PLB1: variants seen among roughly 807,000 people sequenced by gnomAD.
PLB1 encodes phospholipase B1, membrane-associated.
A neutral mutation model predicts 227.4 loss-of-function variants in PLB1; 242 were observed. The ratio of observed to expected loss-of-function variants is 1.06; its 90% CI spans 0.96 to 1.18. PLB1 has a LOEUF of 1.18. Among genes scored for constraint, PLB1 ranks in the 50% most tolerant of loss-of-function variants. PLB1 has a pLI of 0.00. For synonymous variants in PLB1, 757 were observed against 682.2 expected (o/e 1.11, Z -1.71); for missense variants, 1,858 against 1,816.3 (o/e 1.02, Z -0.42).
intron 42 of PLB1, 54 bp from the exon 43 acceptor site, chr2:28,606,442 A>G: frequency 6.5e-7 from 1 of 1,527,496 alleles, no homozygotes; most frequent in Non-Finnish European, 9.1e-7. Context: ...GGGAATGTTC[A>G]CTTCCATGGA....
intron 56 of PLB1, among the ~76,000 whole-genome samples, chr2:28,635,030 G>C (rs1324898279): frequency 1.3e-5 from 2 of 152,176 alleles, no homozygotes; most frequent in Non-Finnish European, 2.9e-5. Context: ...AGTGGGAGGA[G>C]TTTAGATATG....
chr2:28,617,575 C>T (rs1271377196), intron 44 of PLB1, 152 bp from the exon 45 acceptor site: 1 of 736,088 alleles, frequency 1.4e-6, no homozygotes, highest in East Asian at 2.6e-5. Flanking sequence ...CCTAGCCCAC[C>T]TATAACTCAC....
Position 28,604,718 on chromosome 2 carries a change from C to A in PLB1, c.2920C>A (p.Leu974Met). 3 of 1,614,188 alleles carry A rather than the reference C, an allele frequency of 1.9e-6. No individual in the cohort carries two copies. The highest frequency in any genetic ancestry group is 2.5e-6 in the Non-Finnish European group (3 of 1,180,022). The change falls in exon 41 of 58, where the codon CTG becomes ATG. Residue 974 changes from leucine (L) to methionine (M), a missense_variant. Physicochemically the swap from Leu to Met is conservative, Grantham distance 15 (BLOSUM62 2). Transcript: ENST00000327757. ...YDTQEDFSVV[L>M]QPFFQNIQLP... ...CACGCAGGAGGACTTCTCTGTGGTGCTGCAGCCCTTCTTCCAGAACATCCA... is the reference window on the plus strand; with the variant it reads ...CACGCAGGAGGACTTCTCTGTGGTGATGCAGCCCTTCTTCCAGAACATCCA...
intron 10 of PLB1, among the ~76,000 whole-genome samples, chr2:28,538,657 C>T (rs74909147): frequency 0.019 from 2,839 of 152,314 alleles, 44 homozygotes; most frequent in Middle Eastern, 0.051. Flanking sequence ...CTACCTGAGA[C>T]TGGGGCGAGG....
At chr2:28,589,916 C>T (rs966324999) in intron 28 of PLB1, 89 bp from the exon 29 acceptor site, 1 of 1,390,280 alleles carries the variant, frequency 7.2e-7, no homozygotes, top group Non-Finnish European at 1.0e-6. Context: ...CTTCATCCCT[C>T]CCTGCCTCCC....
At chr2:28,539,488 C>T (rs1372878867) in intron 11 of PLB1, among the ~76,000 whole-genome samples, 1 of 152,218 alleles carries the variant, frequency 6.6e-6, no homozygotes, top group African/African-American at 2.4e-5. Flanking sequence ...GCAAAACATC[C>T]ATAAGCTAAG....
Position 28,617,961 on chromosome 2 carries a change from A to G in PLB1, c.3256+174A>G, listed in dbSNP as rs564004919. On this transcript the variant is annotated intron_variant, in intron 45 of 57. Coordinates refer to ENST00000327757, the MANE Select transcript of PLB1 (RefSeq NM_153021.5). ...GCTGGGCTTCCATGTGGAGGTGCACAGAGCTCTCCATTGGATGCTACTTCT... is the reference window on the plus strand; with the variant it reads ...GCTGGGCTTCCATGTGGAGGTGCACGGAGCTCTCCATTGGATGCTACTTCT... 1.7e-4 allele frequency among the ~76,000 whole-genome samples: 26 copies of G among 152,336 alleles called. No individual in the cohort carries two copies. The Middle Eastern group carries it at 0.01, about 60-fold the overall frequency.
rs552103432 is a variant in PLB1 at position 28,592,686 on chromosome 2, C to G, written c.2214C>G (p.Ile738Met). The change falls in exon 32 of 58, where the codon ATC (isoleucine) becomes ATG (methionine). Residue 738 changes from isoleucine (I) to methionine (M), a missense_variant. Coordinates refer to ENST00000327757, the MANE Select transcript of PLB1 (RefSeq NM_153021.5). ...TGCATGCCCTGAGACCTGCAGACAT[C>G]CAAGTTGTGGCTGCTCTGGGGGATT... is the stretch of plus-strand genomic sequence containing the variant. ...TSVHALRPAD[I>M]QVVAALGDSL... 2 of 1,614,160 alleles carry G rather than the reference C, an allele frequency of 1.2e-6. No homozygotes were observed. Among genetic ancestry groups the G allele is most frequent in the Admixed American group, 1.7e-5 (1 of 60,006 alleles).
intron 33 of PLB1, chr2:28,594,881 C>A (rs907975489): frequency 3.3e-5 from 5 of 151,906 alleles, no homozygotes; most frequent in Admixed American, 6.6e-5. Flanking sequence ...AGAAAAAAAA[C>A]CAGAGGAGAG....
intron 41 of PLB1, 138 bp from the exon 42 acceptor site, chr2:28,605,715 T>C: frequency 1.5e-6 from 1 of 671,958 alleles, no homozygotes; most frequent in Non-Finnish European, 2.7e-6. Context: ...TTAAGGTGAA[T>C]GGGCCCTGTG....
chr2:28,582,012 T>A, intron 23 of PLB1, 56 bp from the exon 24 acceptor site: 1 of 1,524,884 alleles, frequency 6.6e-7, no homozygotes, highest in Non-Finnish European at 9.1e-7. Context: ...GTAGCCCTGT[T>A]CTGTAGAGAG....
intron 37 of PLB1, 107 bp downstream of exon 37, chr2:28,601,439 C>A: frequency 1.2e-6 from 1 of 809,876 alleles, no homozygotes; most frequent in Admixed American, 2.0e-5. Flanking sequence ...GGATTATCCA[C>A]CTACACCTAT....
chr2:28,618,581 C>G (rs1686533002), intron 46 of PLB1, 182 bp downstream of exon 46: 1 of 615,300 alleles, frequency 1.6e-6, no homozygotes, highest in African/African-American at 1.9e-5. Flanking sequence ...GCCACCTTCC[C>G]AGTTCTGCTC....
chr2:28,580,822 G>A (rs1326015138), intron 23 of PLB1, among the ~76,000 whole-genome samples: 2 of 152,160 alleles, frequency 1.3e-5, no homozygotes, highest in Non-Finnish European at 2.9e-5. Context: ...TGAAGATGAG[G>A]AGGTTTGTCA....
At chr2:28,516,901 G>A in intron 2 of PLB1, 32 bp downstream of exon 2, 1 of 1,599,478 alleles carries the variant, frequency 6.3e-7, no homozygotes, top group Non-Finnish European at 8.6e-7. Flanking sequence ...AGGTGCGTGT[G>A]TATGGAGGGG....
chr2:28,604,393 C>G (rs1441171930), intron 40 of PLB1, among the ~76,000 whole-genome samples: 1 of 152,342 alleles, frequency 6.6e-6, no homozygotes, highest in East Asian at 1.9e-4. Context: ...GAGGTTCTTC[C>G]CAGGTTTTTA....
At chr2:28,586,822 A>T (rs1680979778) in intron 26 of PLB1, among the ~76,000 whole-genome samples, 1 of 152,140 alleles carries the variant, frequency 6.6e-6, no homozygotes, top group Non-Finnish European at 1.5e-5. Flanking sequence ...ATCTTGGCTC[A>T]CTGCAGCCTT....
chr2:28,642,291 A>G (rs1299467569), intron 57 of PLB1, among the ~76,000 whole-genome samples: 1 of 152,152 alleles, frequency 6.6e-6, no homozygotes, highest in Non-Finnish European at 1.5e-5. Context: ...GTCTCATCAC[A>G]GCTTCCAGCA....
chr2:28,585,060 C>T (rs541341444), intron 25 of PLB1, among the ~76,000 whole-genome samples: 3 of 152,244 alleles, frequency 2.0e-5, no homozygotes, highest in Non-Finnish European at 2.9e-5. Context: ...GTGCTTGGTA[C>T]AGTGTTCAAT....
Sources: allele counts gnomAD v4.1 joint callset (sites outside exome capture counted in the v4.1 genomes callset), GRCh38; gene constraint gnomAD v4.1.1; transcripts MANE v1.5; gene names NCBI Gene and HGNC (gene_info 2026-07-23, HGNC 2026-07-21).